Variants in COL26A1 observed in about 807,000 individuals in gnomAD.
The protein encoded by COL26A1 is collagen type XXVI alpha 1 chain.
In COL26A1, 41 loss-of-function variants were observed where a neutral mutation model predicts 59.3. The ratio of observed to expected loss-of-function variants is 0.69; its 90% CI spans 0.54 to 0.90. The LOEUF (loss-of-function observed/expected upper bound fraction) is 0.90. Among genes scored for constraint, COL26A1 ranks in the 40% least tolerant of loss-of-function variants. COL26A1 has a pLI of 0.00. For synonymous variants in COL26A1, 266 were observed against 256.0 expected (o/e 1.04, Z -0.37); for missense variants, 612 against 602.3 (o/e 1.02, Z -0.17).
chr7:101,483,903 T>G (rs1448103506), intron 3 of COL26A1, among the ~76,000 whole-genome samples: 1 of 151,946 alleles, frequency 6.6e-6, no homozygotes, highest in East Asian at 1.9e-4. Context: ...CTCAAACTCC[T>G]GACCTTGGGA....
intron 12 of COL26A1, 41 bp downstream of exon 12, chr7:101,555,912 C>T (rs749184328): frequency 6.6e-7 from 1 of 1,515,634 alleles, no homozygotes. Context: ...AATCTCTCTC[C>T]CCTCCTTCCT....
intron 3 of COL26A1, among the ~76,000 whole-genome samples, chr7:101,469,952 TACTC>T (rs1321595896): frequency 6.6e-6 from 1 of 151,978 alleles, no homozygotes; most frequent in African/African-American, 2.4e-5. Flanking sequence ...CTGGGGTAAA[TACTC>T]AAGATTCGTT....
chr7:101,494,974 C>G (rs184355452), intron 3 of COL26A1, among the ~76,000 whole-genome samples: 3 of 152,304 alleles, frequency 2.0e-5, no homozygotes, highest in African/African-American at 7.2e-5. Flanking sequence ...GCTTCCTTCC[C>G]CGTGGCTTCC....
chr7:101,492,197 T>G (rs1794475737), intron 3 of COL26A1, among the ~76,000 whole-genome samples: 1 of 152,040 alleles, frequency 6.6e-6, no homozygotes, highest in Non-Finnish European at 1.5e-5. Flanking sequence ...GTCCAGACAG[T>G]AGAATCTTGA....
chr7:101,455,928 C>A (rs1019948699), intron 3 of COL26A1, among the ~76,000 whole-genome samples: 1 of 151,862 alleles, frequency 6.6e-6, no homozygotes, highest in African/African-American at 2.4e-5. Flanking sequence ...TCAGGTGATC[C>A]GCCTGCCTCG....
chr7:101,381,818 TAGAA>T (rs145310747), intron 1 of COL26A1, among the ~76,000 whole-genome samples: 1,960 of 152,166 alleles, frequency 0.013, 37 homozygotes, highest in African/African-American at 0.045. Flanking sequence ...TTTCAGGGAT[TAGAA>T]AGAGGACGTC....
intron 2 of COL26A1, among the ~76,000 whole-genome samples, chr7:101,434,184 T>TTC (rs750005469): frequency 1.9e-5 from 2 of 102,848 alleles, no homozygotes; most frequent in South Asian, 3.2e-4. Flanking sequence ...CCTTCCTTCC[T>TTC]TCTCTCTCTC....
rs999060371 is a variant in COL26A1, at chr7:101,448,002, A to C, written c.385+215A>C. ...GCCCGTGGGCACCGAGGCAGGTCCTAGTTTGCACTGGTTGGGTAGTGGAAT... is the reference window on the plus strand; with the variant it reads ...GCCCGTGGGCACCGAGGCAGGTCCTCGTTTGCACTGGTTGGGTAGTGGAAT... On this transcript the variant is annotated intron_variant, in intron 3 of 12. Transcript: ENST00000313669. Among the ~76,000 whole-genome samples the C allele has an allele frequency of 3.3e-5, 5 of 152,214 alleles. No homozygotes were observed. The East Asian group carries it at 9.6e-4, about 29-fold the overall frequency.
intron 1 of COL26A1, among the ~76,000 whole-genome samples, chr7:101,371,592 C>T (rs1198463185): frequency 1.0e-5 from 1 of 96,134 alleles, no homozygotes; most frequent in East Asian, 3.6e-4. Flanking sequence ...TTGAGACCAG[C>T]CCGGGAAATA....
intron 9 of COL26A1, among the ~76,000 whole-genome samples, chr7:101,549,862 CT>C (rs1172526023): frequency 1.3e-5 from 2 of 152,146 alleles, no homozygotes; most frequent in Non-Finnish European, 2.9e-5. Context: ...CACAGAATCT[CT>C]GCCTCAGCCC....
chr7:101,400,865 G>A (rs1056129346), intron 1 of COL26A1, among the ~76,000 whole-genome samples: 4 of 152,028 alleles, frequency 2.6e-5, no homozygotes, highest in Non-Finnish European at 4.4e-5. Flanking sequence ...GACCCACACC[G>A]CCTTCCTTCC....
intron 1 of COL26A1, among the ~76,000 whole-genome samples, chr7:101,378,636 G>T (rs545316937): frequency 6.6e-6 from 1 of 151,974 alleles, no homozygotes; most frequent in Non-Finnish European, 1.5e-5. Flanking sequence ...CACCAAGACC[G>T]GTGGGGGGAC....
intron 1 of COL26A1, among the ~76,000 whole-genome samples, chr7:101,365,450 A>G (rs1490920681): frequency 1.3e-5 from 2 of 151,942 alleles, no homozygotes; most frequent in African/African-American, 2.4e-5. Flanking sequence ...TTTTTGAGAC[A>G]GAGTCTCGCT....
chr7:101,524,195 C>T (rs888673589), intron 3 of COL26A1, among the ~76,000 whole-genome samples: 2 of 151,632 alleles, frequency 1.3e-5, no homozygotes, highest in African/African-American at 4.8e-5. Flanking sequence ...TGCTTGAACC[C>T]AGGAGGCAGA....
intron 3 of COL26A1, among the ~76,000 whole-genome samples, chr7:101,495,405 T>C (rs1244898275): frequency 1.4e-5 from 2 of 144,508 alleles, no homozygotes; most frequent in African/African-American, 5.7e-5. Context: ...ATGGGCAGCC[T>C]GGGGAATTTT....
rs556246434 is a variant in COL26A1, at chr7:101,385,489, G to A, written c.158+22299G>A. Among the ~76,000 whole-genome samples the A allele has an allele frequency of 2.9e-4, 44 of 151,530 alleles. No individual in the cohort carries two copies. The East Asian group carries it at 8.0e-3, about 27-fold the overall frequency. ...GGGTTCAAGTGATTCTCCTGCCTCA[G>A]CCTCCTGAGTAGCTGGGATCACAGG... On this transcript the variant is annotated intron_variant, in intron 1 of 12. Coordinates refer to ENST00000313669, the MANE Select transcript of COL26A1 (RefSeq NM_001278563.3).
chr7:101,483,240 C>T (rs2130498050), intron 3 of COL26A1, among the ~76,000 whole-genome samples: 1 of 151,940 alleles, frequency 6.6e-6, no homozygotes, highest in South Asian at 2.1e-4. Flanking sequence ...CTCTGTCACC[C>T]AGGCTAGAGT....
At chr7:101,444,695 G>A (rs1584412823) in intron 2 of COL26A1, among the ~76,000 whole-genome samples, 2 of 152,050 alleles carry the variant, frequency 1.3e-5, no homozygotes, top group African/African-American at 2.4e-5. Flanking sequence ...AATTACACGC[G>A]TGAGCCACCG....
At chr7:101,491,356 A>G (rs529344509) in intron 3 of COL26A1, among the ~76,000 whole-genome samples, 2 of 152,160 alleles carry the variant, frequency 1.3e-5, no homozygotes, top group Non-Finnish European at 2.9e-5. Flanking sequence ...TTACCAGCAC[A>G]CCATTGGTGG....
Sources: gnomAD v4.1 joint callset for allele counts (sites outside exome capture counted in the v4.1 genomes callset) on GRCh38, gnomAD v4.1.1 for gene constraint, MANE v1.5 for transcripts, NCBI Gene and HGNC (gene_info 2026-07-23, HGNC 2026-07-21) for gene names.